Variants in STIP1 observed in about 807,000 individuals in gnomAD.
STIP1 encodes the protein stress induced phosphoprotein 1, also known as stress-induced-phosphoprotein 1.
Under a neutral mutation model 77.4 loss-of-function variants are expected in STIP1, and 16 were observed. That is an observed-to-expected ratio of 0.21 (90% CI 0.14 to 0.31). STIP1 has a LOEUF of 0.31. Among genes scored for constraint, STIP1 ranks in the 10% least tolerant of loss-of-function variants. The probability of loss-of-function intolerance (pLI) is 1.00; values close to 1 mark genes in which losing one functional copy is unlikely to be tolerated. For synonymous variants in STIP1, 258 were observed against 246.6 expected, an observed-to-expected ratio of 1.05 and a Z score of -0.44; for missense variants, 524 against 684.8, an observed-to-expected ratio of 0.77 and a Z score of 2.62.
intron 12 of STIP1, 62 bp from the exon 13 acceptor site, chr11:64,203,388 C>T: frequency 3.7e-6 from 6 of 1,604,936 alleles, no homozygotes; most frequent in African/African-American, 1.3e-5. Flanking sequence ...TATCTTGGAC[C>T]TGCTGAAGCA....
At chr11:64,186,021 G>C (rs1160332152), upstream of STIP1, 2 of 1,545,238 alleles carry the variant, frequency 1.3e-6, no homozygotes, top group Non-Finnish European at 1.7e-6. Context: ...GGGGAGGCAG[G>C]GTTGAGGGAA....
In STIP1 at chr11:64,194,342, G is replaced by T. The variant is rs191705760; in HGVS notation, c.361+12G>T. ...GGCCAGGTTGGCAGGTAGGTACCAC[G>T]CACAGTTTTCTTTCTTATTATTAAT... On this transcript the variant is annotated intron_variant, in intron 3 of 13. Coordinates refer to ENST00000305218, the MANE Select transcript of STIP1 (RefSeq NM_006819.3). The T allele has an allele frequency of 6.2e-6, 10 of 1,612,300 alleles. No individual in the cohort carries two copies. Among genetic ancestry groups the T allele is most frequent in the East Asian group, 2.2e-5 (1 of 44,900 alleles).
chr11:64,194,679 G>C, intron 4 of STIP1, 59 bp downstream of exon 4: 3 of 1,588,466 alleles, frequency 1.9e-6, no homozygotes, highest in Non-Finnish European at 2.6e-6. Flanking sequence ...CTTTCTTCCT[G>C]TAACCTCACA....
chr11:64,199,910 AATT>A (rs1591013824), intron 8 of STIP1, 27 bp from the exon 9 acceptor site: 1 of 1,612,762 alleles, frequency 6.2e-7, no homozygotes. Context: ...TGAGCGTTTA[AATT>A]ATTATTTCAA....
chr11:64,204,152 C>T lies in STIP1; in HGVS notation c.*26C>T, dbSNP rs201396024. ...TGACTTGTTCATCCCCCCTTCCCTTCGCCCTCATGTGGAAAGAGGAGCTGG... is the reference window on the plus strand; with the variant it reads ...TGACTTGTTCATCCCCCCTTCCCTTTGCCCTCATGTGGAAAGAGGAGCTGG... On this transcript the variant is annotated 3_prime_UTR_variant, in exon 14 of 14. Transcript: ENST00000305218. 6.2e-6 allele frequency: 10 copies of T among 1,613,500 alleles called. No individual in the cohort carries two copies. The highest frequency in any genetic ancestry group is 4.0e-5 in the African/African-American group (3 of 74,862).
intron 8 of STIP1, among the ~76,000 whole-genome samples, chr11:64,199,500 C>T (rs1565282347): frequency 7.7e-6 from 1 of 129,906 alleles, no homozygotes; most frequent in Non-Finnish European, 1.6e-5. Flanking sequence ...GAGCGAGACT[C>T]TATCTCAAAA....
intron 1 of STIP1, 33 bp downstream of exon 1, chr11:64,186,303 C>T (rs1282308070): frequency 7.0e-7 from 1 of 1,423,500 alleles, no homozygotes. Context: ...AGGCCCCGAG[C>T]CTGCTCGGGG....
chr11:64,204,122 G>T lies in STIP1; in HGVS notation c.1628G>T (p.Arg543Leu), dbSNP rs1038136390. 3 of 1,614,168 alleles carry T rather than the reference G, an allele frequency of 1.9e-6. No individual in the cohort carries two copies. Among genetic ancestry groups the T allele is most frequent in the Non-Finnish European group, 2.5e-6 (3 of 1,180,020 alleles). ...KLMDVGLIAI[R>L] The stretch of plus-strand genomic sequence containing the variant: ...ATGGATGTGGGTCTGATTGCAATTC[G>T]GTGATGACTTGTTCATCCCCCCTTC... The change falls in exon 14 of 14, where the codon CGG becomes CTG. Residue 543 changes from arginine to leucine, a missense_variant. Transcript: ENST00000305218.
chr11:64,202,551 T>C (rs1946230667), intron 10 of STIP1: 1 of 313,742 alleles, frequency 3.2e-6, no homozygotes, highest in African/African-American at 2.2e-5. Context: ...CCCAGCGTTG[T>C]TTTGTTTTTT....
intron 8 of STIP1, among the ~76,000 whole-genome samples, chr11:64,198,567 G>A (rs1425936461): frequency 6.6e-6 from 1 of 151,940 alleles, no homozygotes; most frequent in African/African-American, 2.4e-5. Flanking sequence ...GGTTGGTCTT[G>A]AACTCCTGAA....
At position 64,193,221 on chromosome 11, in the gene STIP1, A is replaced by G. The variant is rs756820815; in HGVS notation, c.153A>G (p.Lys51=). ...YSNRSAAYAK[K]GDYQKAYEDG... is the part of the protein sequence containing the mutation. Reference sequence around the variant, plus strand: ...ACCGTTCTGCTGCCTATGCCAAGAAAGGAGACTACCAGAAGGCTTATGAGG... The same window carrying G: ...ACCGTTCTGCTGCCTATGCCAAGAAGGGAGACTACCAGAAGGCTTATGAGG... Residue 51 remains lysine, a synonymous_variant, in exon 2 of 14, where the codon AAA becomes AAG. Coordinates refer to ENST00000305218, the MANE Select transcript of STIP1 (RefSeq NM_006819.3). 50 of 1,614,120 alleles carry G rather than the reference A, an allele frequency of 3.1e-5. No homozygotes were observed. The highest frequency in any genetic ancestry group is 4.0e-5 in the Non-Finnish European group (47 of 1,180,050).
At chr11:64,196,118 A>G (rs1591010238) in intron 5 of STIP1, among the ~76,000 whole-genome samples, 1 of 152,134 alleles carries the variant, frequency 6.6e-6, no homozygotes, top group East Asian at 1.9e-4. Flanking sequence ...GCTTCAGGCC[A>G]GGCACGGTGG....
intron 1 of STIP1, among the ~76,000 whole-genome samples, chr11:64,188,982 C>G (rs543238332): frequency 2.0e-5 from 3 of 152,022 alleles, no homozygotes; most frequent in Non-Finnish European, 4.4e-5. Flanking sequence ...TTTGGGAGGC[C>G]GAGGTGGGCG....
At chr11:64,202,175 C>T (rs952935268) in intron 10 of STIP1, among the ~76,000 whole-genome samples, 6 of 152,188 alleles carry the variant, frequency 3.9e-5, no homozygotes, top group African/African-American at 1.2e-4. Context: ...CATACTTAGA[C>T]TTGCCCACTT....
chr11:64,198,832 C>T (rs769397438), intron 8 of STIP1, among the ~76,000 whole-genome samples: 1 of 142,606 alleles, frequency 7.0e-6, no homozygotes, highest in Non-Finnish European at 1.5e-5. Context: ...AGGGCCTGTG[C>T]ATTGAGAATG....
intron 1 of STIP1, among the ~76,000 whole-genome samples, chr11:64,189,840 A>C (rs553453297): frequency 1.3e-5 from 2 of 152,116 alleles, no homozygotes; most frequent in South Asian, 4.1e-4. Flanking sequence ...ACACCACTTG[A>C]GTTTTGTTAA....
At position 64,200,042 on chromosome 11, in the gene STIP1, G is replaced by A. The variant is rs964857166; in HGVS notation, c.1120+6G>A. 2 of 1,614,094 alleles carry A rather than the reference G, an allele frequency of 1.2e-6. No individual in the cohort carries two copies. Among genetic ancestry groups the A allele is most frequent in the African/African-American group, 2.7e-5 (2 of 74,926 alleles). On this transcript the variant is annotated splice_donor_region_variant and intron_variant, in intron 9 of 13. Transcript: ENST00000305218. ...CAACGAGTGTTTTCAGAAAGGTACT[G>A]CCTGCAGCTGGGGGATTGGGGGAGC... is the stretch of plus-strand genomic sequence containing the variant.
chr11:64,191,290 CAG>C (rs1946089970), intron 1 of STIP1, among the ~76,000 whole-genome samples: 1 of 150,894 alleles, frequency 6.6e-6, no homozygotes, highest in African/African-American at 2.4e-5. Flanking sequence ...AGGCTGGTAA[CAG>C]AGTGAGATGC....
At position 64,194,329 on chromosome 11, in the gene STIP1, A is replaced by G; in HGVS notation, c.360A>G (p.Ala120=). 6.2e-7 allele frequency: 1 copy of G among 1,613,388 alleles called. No homozygotes were observed. Among genetic ancestry groups the G allele is most frequent in the Non-Finnish European group, 8.5e-7 (1 of 1,179,796 alleles). Residue 120 remains alanine (A), a splice_region_variant and synonymous_variant, in exon 3 of 14, where the codon GCA becomes GCG. Transcript: ENST00000305218. ...EGLQNMEARL[A]ERKFMNPFNM... ...TACAGAATATGGAGGCCAGGTTGGC[A>G]GGTAGGTACCACGCACAGTTTTCTT...
Sources: allele counts gnomAD v4.1 joint callset (sites outside exome capture counted in the v4.1 genomes callset), GRCh38; gene constraint gnomAD v4.1.1; transcripts MANE v1.5; gene names NCBI Gene and HGNC (gene_info 2026-07-23, HGNC 2026-07-21).